The following MICAL2 variants were observed in gnomAD, a reference collection of about 807,000 sequenced individuals.
MICAL2 encodes microtubule associated monooxygenase, calponin and LIM domain containing 2, also known as [F-actin]-monooxygenase MICAL2.
In MICAL2, 77 loss-of-function variants were observed where a neutral mutation model predicts 127.3. The ratio of observed to expected loss-of-function variants is 0.60; its 90% CI spans 0.50 to 0.73. The LOEUF is 0.73. MICAL2 is among the 30% of genes least tolerant of loss of function. The pLI is 0.00. For missense variants in MICAL2, 1,351 were observed against 1,434.4 expected (o/e 0.94, Z 0.94); for synonymous variants, 570 against 551.1 (o/e 1.03, Z -0.48).
chr11:12,228,434 A>G (rs1857769025), intron 15 of MICAL2, among the ~76,000 whole-genome samples: 1 of 152,206 alleles, frequency 6.6e-6, no homozygotes, highest in Admixed American at 6.5e-5. Context: ...TGCTTCCTTC[A>G]CACTAATTAA....
At chr11:12,329,222 G>A (rs1003926896) in intron 32 of MICAL2, among the ~76,000 whole-genome samples, 3 of 152,202 alleles carry the variant, frequency 2.0e-5, no homozygotes, top group African/African-American at 4.8e-5. Flanking sequence ...TTAGAAATAG[G>A]CTTATTACAA....
chr11:12,244,402 G>A (rs1363420304), intron 21 of MICAL2, among the ~76,000 whole-genome samples: 2 of 152,110 alleles, frequency 1.3e-5, no homozygotes, highest in Non-Finnish European at 2.9e-5. Context: ...CAGAGAGGGC[G>A]GTGCAGTTCC....
upstream of MICAL2, among the ~76,000 whole-genome samples, chr11:12,271,350 C>G (rs1426400570): frequency 6.6e-6 from 1 of 152,176 alleles, no homozygotes; most frequent in East Asian, 1.9e-4. Flanking sequence ...AGCAGCCAGC[C>G]TCAGGGAGAC....
At chr11:12,332,557 A>G (rs541917129) in intron 32 of MICAL2, among the ~76,000 whole-genome samples, 4 of 152,212 alleles carry the variant, frequency 2.6e-5, no homozygotes, top group East Asian at 1.9e-4. Context: ...GTAAACAACA[A>G]AAGTCAGTAC....
chr11:12,180,559 T>C, intron 3 of MICAL2, among the ~76,000 whole-genome samples: 1 of 152,134 alleles, frequency 6.6e-6, no homozygotes, highest in East Asian at 1.9e-4. Context: ...AACATCACAA[T>C]AGTATAAAGC....
At chr11:12,292,602 A>C (rs916552833), downstream of MICAL2, among the ~76,000 whole-genome samples, 1 of 152,208 alleles carries the variant, frequency 6.6e-6, no homozygotes, top group Non-Finnish European at 1.5e-5. Flanking sequence ...CTTTCCCTTG[A>C]GAACTTGCAA....
chr11:12,273,359 C>A (rs577424941), upstream of MICAL2, among the ~76,000 whole-genome samples: 6 of 152,278 alleles, frequency 3.9e-5, no homozygotes, highest in South Asian at 1.2e-3. Context: ...ATGACTAATG[C>A]TGCCACCACC....
chr11:12,240,300 G>C (rs3794080), intron 17 of MICAL2, among the ~76,000 whole-genome samples: 26,665 of 152,186 alleles, frequency 0.18, 2,439 homozygotes, highest in South Asian at 0.27. Flanking sequence ...TTGCTCCCCT[G>C]AACTTCCTTT....
chr11:12,160,331 GCCTCCAGCCTCCT>G (rs1274896667), intron 2 of MICAL2, among the ~76,000 whole-genome samples: 1 of 151,970 alleles, frequency 6.6e-6, no homozygotes, highest in Non-Finnish European at 1.5e-5. Flanking sequence ...CTGCCTCCTT[GCCTCCAGCCTCCT>G]CCTCCAGTCC....
At chr11:12,139,744 CAG>C (rs1852170677) in intron 2 of MICAL2, among the ~76,000 whole-genome samples, 1 of 152,178 alleles carries the variant, frequency 6.6e-6, no homozygotes, top group Admixed American at 6.5e-5. Context: ...AAACAGAATA[CAG>C]AGTTTGTCCA....
chr11:12,290,382 G>C (rs759913627), downstream of MICAL2, among the ~76,000 whole-genome samples: 1 of 152,150 alleles, frequency 6.6e-6, no homozygotes, highest in Non-Finnish European at 1.5e-5. Flanking sequence ...CTTCCTGTCA[G>C]GAAGTCCCTG....
chr11:12,145,188 C>A (rs544465904), intron 2 of MICAL2, among the ~76,000 whole-genome samples: 1 of 152,294 alleles, frequency 6.6e-6, no homozygotes, highest in Admixed American at 6.5e-5. Context: ...AATGAATGAC[C>A]AGCAAGGAAA....
At chr11:12,256,740 T>C (rs1392952041) in intron 23 of MICAL2, 45 bp from the exon 24 acceptor site, 1 of 1,518,474 alleles carries the variant, frequency 6.6e-7, no homozygotes, top group African/African-American at 1.4e-5. Flanking sequence ...ATTTGAAGGC[T>C]CGGGATAAGC....
chr11:12,255,959 C>A, intron 23 of MICAL2: 2 of 511,148 alleles, frequency 3.9e-6, no homozygotes, highest in South Asian at 3.2e-5. Flanking sequence ...CCCCTGTGGT[C>A]TTTTTGAAAA....
chr11:12,159,982 C>T (rs1037681896), intron 2 of MICAL2, among the ~76,000 whole-genome samples: 5 of 152,258 alleles, frequency 3.3e-5, no homozygotes, highest in East Asian at 3.9e-4. Flanking sequence ...TGTCATAGAC[C>T]GGGGTCACTG....
At chr11:12,197,054 G>C (rs1860028956) in intron 3 of MICAL2, among the ~76,000 whole-genome samples, 1 of 152,156 alleles carries the variant, frequency 6.6e-6, no homozygotes, top group African/African-American at 2.4e-5. Flanking sequence ...AAACAATCCA[G>C]CATTCATTGT....
intron 1 of MICAL2, among the ~76,000 whole-genome samples, chr11:12,118,631 C>A (rs1260704642): frequency 6.6e-6 from 1 of 152,184 alleles, no homozygotes; most frequent in Non-Finnish European, 1.5e-5. Context: ...TGAGAATAAA[C>A]CTCAGGGGCA....
intron 33 of MICAL2, among the ~76,000 whole-genome samples, chr11:12,352,339 C>A (rs1320557961): frequency 6.6e-6 from 1 of 152,186 alleles, no homozygotes; most frequent in African/African-American, 2.4e-5. Flanking sequence ...ACTCTATTTT[C>A]TAGGATCTTG....
intron 3 of MICAL2, among the ~76,000 whole-genome samples, chr11:12,170,847 C>CT (rs1856158513): frequency 6.6e-6 from 1 of 152,164 alleles, no homozygotes. Flanking sequence ...GGTGAGCTCC[C>CT]TAAGGACAGG....
Sources: allele counts gnomAD v4.1 joint callset (sites outside exome capture counted in the v4.1 genomes callset), GRCh38; gene constraint gnomAD v4.1.1; transcripts MANE v1.5; gene names NCBI Gene and HGNC (gene_info 2026-07-23, HGNC 2026-07-21).